FBXL17: variants seen among roughly 807,000 people sequenced by gnomAD.
FBXL17 encodes the protein F-box and leucine rich repeat protein 17, also known as F-box/LRR-repeat protein 17.
A neutral mutation model predicts 66.2 loss-of-function variants in FBXL17; 22 were observed. The ratio of observed to expected loss-of-function variants is 0.33; its 90% confidence interval spans 0.24 to 0.47. The LOEUF (loss-of-function observed/expected upper bound fraction) is 0.47. Among genes scored for constraint, FBXL17 ranks in the 20% least tolerant of loss-of-function variants. The pLI is 1.00. For synonymous variants in FBXL17, 474 were observed against 400.5 expected (o/e 1.18, Z -2.19); for missense variants, 878 against 948.2 (o/e 0.93, Z 0.97).
chr5:108,238,246 T>G (rs951929297), intron 4 of FBXL17, among the ~76,000 whole-genome samples: 1 of 152,212 alleles, frequency 6.6e-6, no homozygotes, highest in Non-Finnish European at 1.5e-5. Context: ...TAATGAAAAC[T>G]TCATATCTAG....
chr5:108,352,070 GA>G (rs997962469), intron 3 of FBXL17, among the ~76,000 whole-genome samples: 1 of 152,260 alleles, frequency 6.6e-6, no homozygotes, highest in Non-Finnish European at 1.5e-5. Flanking sequence ...GGCATATGCA[GA>G]AATTACCAGC....
At chr5:108,078,069 C>G (rs1398617294) in intron 6 of FBXL17, among the ~76,000 whole-genome samples, 1 of 152,142 alleles carries the variant, frequency 6.6e-6, no homozygotes, top group Non-Finnish European at 1.5e-5. Context: ...TAGACTACTC[C>G]AGACATTAAC....
At chr5:108,210,845 A>G (rs531615976) in intron 5 of FBXL17, among the ~76,000 whole-genome samples, 29 of 152,070 alleles carry the variant, frequency 1.9e-4, no homozygotes, top group African/African-American at 7.0e-4. Flanking sequence ...TCCAGAGCTG[A>G]GTTCAAGTTC....
intron 6 of FBXL17, among the ~76,000 whole-genome samples, chr5:108,180,270 G>A (rs1024144083): frequency 6.6e-6 from 1 of 152,058 alleles, no homozygotes; most frequent in Admixed American, 6.5e-5. Flanking sequence ...CAGCACTTTG[G>A]GGTGCCAAGG....
intron 6 of FBXL17, among the ~76,000 whole-genome samples, chr5:108,123,768 A>C (rs1026150731): frequency 1.3e-5 from 2 of 152,156 alleles, no homozygotes; most frequent in African/African-American, 4.8e-5. Flanking sequence ...AAAATATGAG[A>C]TCTCCTAGAT....
intron 6 of FBXL17, among the ~76,000 whole-genome samples, chr5:108,107,823 A>AT (rs1491134485): frequency 2.1e-5 from 3 of 143,180 alleles, no homozygotes; most frequent in Non-Finnish European, 4.6e-5. Context: ...AAAAAAAAAA[A>AT]GAAAAGAAAA....
intron 7 of FBXL17, among the ~76,000 whole-genome samples, chr5:107,915,671 G>T (rs1356181902): frequency 1.3e-5 from 2 of 152,182 alleles, no homozygotes; most frequent in Non-Finnish European, 2.9e-5. Flanking sequence ...GCATGTAGAA[G>T]TAAAAGTAAT....
At chr5:108,080,838 T>C (rs1748733985) in intron 6 of FBXL17, among the ~76,000 whole-genome samples, 1 of 152,090 alleles carries the variant, frequency 6.6e-6, no homozygotes, top group Non-Finnish European at 1.5e-5. Context: ...AAGGTTCTTA[T>C]TATGTAGATG....
intron 4 of FBXL17, among the ~76,000 whole-genome samples, chr5:108,236,160 G>A (rs1755592289): frequency 1.3e-5 from 2 of 152,196 alleles, no homozygotes; most frequent in Middle Eastern, 3.4e-3. Context: ...CAGTGAGCTT[G>A]GACCATACTG....
At chr5:108,162,512 A>T (rs1386311375) in intron 6 of FBXL17, among the ~76,000 whole-genome samples, 1 of 152,186 alleles carries the variant, frequency 6.6e-6, no homozygotes, top group African/African-American at 2.4e-5. Context: ...AAACAAACAT[A>T]CAAAAATCTG....
At chr5:108,351,016 A>C (rs1747613831) in intron 3 of FBXL17, among the ~76,000 whole-genome samples, 1 of 152,234 alleles carries the variant, frequency 6.6e-6, no homozygotes, top group Non-Finnish European at 1.5e-5. Context: ...TATCCCAGGC[A>C]AATCTGCTGT....
intron 6 of FBXL17, among the ~76,000 whole-genome samples, chr5:108,090,190 T>C (rs1749136931): frequency 1.3e-5 from 2 of 152,188 alleles, no homozygotes; most frequent in Admixed American, 6.5e-5. Context: ...ACATGTATCA[T>C]CACTAAATAA....
At chr5:107,991,355 T>C (rs1357346342) in intron 7 of FBXL17, among the ~76,000 whole-genome samples, 1 of 152,220 alleles carries the variant, frequency 6.6e-6, no homozygotes. Flanking sequence ...GTTTCACACC[T>C]AGGTTATTTG....
At chr5:107,983,715 G>A (rs1444915421) in intron 7 of FBXL17, among the ~76,000 whole-genome samples, 1 of 152,118 alleles carries the variant, frequency 6.6e-6, no homozygotes, top group Non-Finnish European at 1.5e-5. Flanking sequence ...AGGACAGAAG[G>A]GCAAAGTCCG....
intron 5 of FBXL17, among the ~76,000 whole-genome samples, chr5:108,222,529 C>T (rs1754910222): frequency 6.6e-6 from 1 of 152,160 alleles, no homozygotes; most frequent in African/African-American, 2.4e-5. Flanking sequence ...CTCTGATCCT[C>T]ACAATAAAAT....
chr5:108,151,365 A>G lies in FBXL17; in HGVS notation c.1745+34752T>C, dbSNP rs148649632. 1.3e-3 allele frequency among the ~76,000 whole-genome samples: 194 copies of G among 152,334 alleles called. 1 individual carries two copies. Among genetic ancestry groups the G allele is most frequent in the Non-Finnish European group, 1.2e-3 (85 of 68,026 alleles). The stretch of plus-strand genomic sequence containing the variant: ...AAGAAAATTCTCTTTGCTTCACAAA[A>G]TTACAGGACAATCTGTCAATCAAAC... On this transcript the variant is annotated intron_variant, in intron 6 of 8. Transcript: ENST00000542267.
rs139895847 is a variant in FBXL17 at position 108,109,931 on chromosome 5, T to C, written c.1745+76186A>G. On this transcript the variant is annotated intron_variant, in intron 6 of 8. Transcript: ENST00000542267. ...GGGTTGAGGGAGAGAACACTTCCAT[T>C]CTATTAAAATCAGAGAAAGAATTCC... Among the ~76,000 whole-genome samples the C allele has an allele frequency of 3.1e-3, 470 of 152,288 alleles. 2 individuals are homozygous for C. Among genetic ancestry groups the C allele is most frequent in the African/African-American group, 0.011 (453 of 41,564 alleles).
At chr5:107,880,262 A>C in intron 8 of FBXL17, 2 of 577,568 alleles carry the variant, frequency 3.5e-6, no homozygotes, top group Non-Finnish European at 4.4e-6. Context: ...AGAGGGGGAT[A>C]GAGACAGGGT....
chr5:108,049,168 A>T (rs1747374725), intron 6 of FBXL17, among the ~76,000 whole-genome samples: 1 of 151,874 alleles, frequency 6.6e-6, no homozygotes, highest in Non-Finnish European at 1.5e-5. Context: ...TTTTTTAGAC[A>T]GAGTCTCACT....
Sources: allele counts gnomAD v4.1 joint callset (sites outside exome capture counted in the v4.1 genomes callset), GRCh38; gene constraint gnomAD v4.1.1; transcripts MANE v1.5; gene names NCBI Gene and HGNC (gene_info 2026-07-23, HGNC 2026-07-21).